Variants in LRRFIP1 observed in about 807,000 individuals in gnomAD.
LRRFIP1 encodes leucine-rich repeat flightless-interacting protein 1.
Under a neutral mutation model 104.4 loss-of-function variants are expected in LRRFIP1, and 62 were observed. The observed-to-expected ratio is 0.59, with a 90% CI of 0.48 to 0.73. LRRFIP1 has a LOEUF of 0.73. Among genes scored for constraint, LRRFIP1 ranks in the 30% least tolerant of loss-of-function variants. LRRFIP1 has a pLI of 0.00. For missense variants in LRRFIP1, 796 were observed against 824.5 expected (o/e 0.97, Z 0.42); for synonymous variants, 300 against 299.0 (o/e 1.00, Z -0.03).
chr2:237,638,296 C>T (rs552415922), intron 1 of LRRFIP1, among the ~76,000 whole-genome samples: 1 of 152,276 alleles, frequency 6.6e-6, no homozygotes, highest in South Asian at 2.1e-4. Flanking sequence ...CTCATATGCG[C>T]AGTTCACAAT....
Position 237,633,498 on chromosome 2 carries a change from G to A in LRRFIP1, c.96+5758G>A, listed in dbSNP as rs539980637. On this transcript the variant is annotated intron_variant, in intron 1 of 23. Coordinates refer to ENST00000308482, the MANE Select transcript of LRRFIP1 (RefSeq NM_001137550.2). ...GACTCTTGAGCCACTCGTTGGCCTGGTACTCAGGGTTGGGATGTGTGTGTG... is the reference window on the plus strand; with the variant it reads ...GACTCTTGAGCCACTCGTTGGCCTGATACTCAGGGTTGGGATGTGTGTGTG... Among the ~76,000 whole-genome samples the A allele has an allele frequency of 1.2e-4, 18 of 148,174 alleles. 2 individuals are homozygous for A. Among genetic ancestry groups the A allele is most frequent in the Admixed American group, 3.3e-4 (5 of 15,076 alleles).
intron 7 of LRRFIP1, among the ~76,000 whole-genome samples, chr2:237,727,217 G>A (rs140980071): frequency 1.3e-5 from 2 of 152,196 alleles, no homozygotes; most frequent in Admixed American, 6.5e-5. Flanking sequence ...TTAGCCGGGC[G>A]TGGTGACGCA....
chr2:237,752,428 G>A (rs572373502), intron 14 of LRRFIP1, among the ~76,000 whole-genome samples: 1 of 152,318 alleles, frequency 6.6e-6, no homozygotes, highest in South Asian at 2.1e-4. Context: ...ATGCTGCTGG[G>A]GAGCCACTGA....
chr2:237,717,869 G>A lies in LRRFIP1; in HGVS notation c.249+60G>A. 2.5e-6 allele frequency: 3 copies of A among 1,222,066 alleles called. No individual in the cohort carries two copies. The highest frequency in any genetic ancestry group is 1.9e-4 in the Middle Eastern group (1 of 5,320). The allele number at this position is 1,222,066 out of a possible 1,614,324, so 75.7% of individuals were successfully genotyped here. A position where few individuals can be genotyped will look rare whatever the true frequency, so the allele number is the denominator to read the frequency against. ...CCTCCCCACTTGAATACAGTGTTGA[G>A]ACTTAAATGGTTTATAATGTAATTC... On this transcript the variant is annotated intron_variant, in intron 4 of 23. Coordinates refer to ENST00000308482, the MANE Select transcript of LRRFIP1 (RefSeq NM_001137550.2). This position sits in a 1 kb window ranked among gnomAD's most constrained non-coding sequence, Gnocchi z 4.2.
At chr2:237,655,249 T>G (rs924712825) in intron 1 of LRRFIP1, among the ~76,000 whole-genome samples, 1 of 148,790 alleles carries the variant, frequency 6.7e-6, no homozygotes, top group Non-Finnish European at 1.5e-5. Flanking sequence ...TAGCTGGGAC[T>G]ACAGGCATGC....
At chr2:237,725,572 C>T (rs1444002247) in intron 7 of LRRFIP1, among the ~76,000 whole-genome samples, 2 of 152,202 alleles carry the variant, frequency 1.3e-5, no homozygotes, top group South Asian at 2.1e-4. Flanking sequence ...GGTCAAAGTA[C>T]TTCTCCCTAT....
intron 1 of LRRFIP1, among the ~76,000 whole-genome samples, chr2:237,667,497 A>C (rs1487191674): frequency 6.6e-6 from 1 of 152,230 alleles, no homozygotes. Context: ...TGCTATTGTA[A>C]ATAGTGCTGC....
At chr2:237,699,384 G>A (rs11689700) in intron 1 of LRRFIP1, among the ~76,000 whole-genome samples, 24,957 of 142,640 alleles carry the variant, frequency 0.17, 2,685 homozygotes, top group East Asian at 0.32. Context: ...ATGGAATTTC[G>A]CTCTGTCGCC....
chr2:237,687,540 G>A lies in LRRFIP1; in HGVS notation c.97-21004G>A, dbSNP rs565936171. 8.1e-4 allele frequency among the ~76,000 whole-genome samples: 121 copies of A among 150,298 alleles called. 1 individual carries two copies. The highest frequency in any genetic ancestry group is 6.8e-3 in the Middle Eastern group (2 of 292). On this transcript the variant is annotated intron_variant, in intron 1 of 23. Transcript: ENST00000308482. ...AATTGCTTGAGCCTGGGAGGCGGAG[G>A]CTGCAGTAAGCCAAGATCATGCCAC...
rs1469994657 is a variant in LRRFIP1, at chr2:237,744,516, T to C, written c.634-3848T>C. Among the ~76,000 whole-genome samples the C allele has an allele frequency of 5.3e-5, 8 of 152,336 alleles. No individual in the cohort carries two copies. The East Asian group carries it at 1.5e-3, about 29-fold the overall frequency. On this transcript the variant is annotated intron_variant, in intron 11 of 23. Coordinates refer to ENST00000308482, the MANE Select transcript of LRRFIP1 (RefSeq NM_001137550.2). Reference sequence around the variant, plus strand: ...GGCATCGTGTGTACAGGAGCCTAGATAGCAAACTCCTTTAGACACAGTGTT... The same window carrying C: ...GGCATCGTGTGTACAGGAGCCTAGACAGCAAACTCCTTTAGACACAGTGTT...
At chr2:237,757,622 T>C (rs2059405024) in intron 17 of LRRFIP1, 74 bp downstream of exon 17, 3 of 1,150,968 alleles carry the variant, frequency 2.6e-6, no homozygotes, top group African/African-American at 3.1e-5. Context: ...TCAGAGTCTT[T>C]AGTTTGCAAA....
rs1386837308 is a variant in LRRFIP1, at chr2:237,735,287, G to A, written c.509G>A (p.Gly170Asp). Residue 170 changes from glycine to aspartate, a missense_variant, in exon 10 of 24, where the codon GGC (glycine) becomes GAC (aspartate). Coordinates refer to ENST00000308482, the MANE Select transcript of LRRFIP1 (RefSeq NM_001137550.2). The surrounding 1 kb of genome is among the most constrained non-coding windows in gnomAD (Gnocchi z 4.6). ...TCGCAGGCGTCTGTGTTGGATGAAGGCAGCTTCGGTGGGACCCGACGGGGC... is the reference window on the plus strand; with the variant it reads ...TCGCAGGCGTCTGTGTTGGATGAAGACAGCTTCGGTGGGACCCGACGGGGC... ...GSYRASVLDE[G>D]SFGGTRRGST... 5.0e-6 allele frequency: 8 copies of A among 1,613,470 alleles called. No individual in the cohort carries two copies. Among genetic ancestry groups the A allele is most frequent in the Non-Finnish European group, 5.9e-6 (7 of 1,179,868 alleles).
At chr2:237,705,656 C>G (rs1469943782) in intron 1 of LRRFIP1, among the ~76,000 whole-genome samples, 3 of 149,366 alleles carry the variant, frequency 2.0e-5, no homozygotes, top group Admixed American at 1.3e-4. Flanking sequence ...AGAGGGAGAC[C>G]CTGTCTCCAA....
chr2:237,741,857 G>T (rs934721907), intron 11 of LRRFIP1, among the ~76,000 whole-genome samples: 2 of 151,928 alleles, frequency 1.3e-5, no homozygotes, highest in African/African-American at 2.4e-5. Context: ...AAAAAAGAAA[G>T]AAAAGAAAAT....
Position 237,757,479 on chromosome 2 carries a change from A to G in LRRFIP1, c.1155A>G (p.Lys385=), listed in dbSNP as rs754835776. Residue 385 remains lysine (K), a synonymous_variant, in exon 17 of 24, where the codon AAA becomes AAG. Coordinates refer to ENST00000308482, the MANE Select transcript of LRRFIP1 (RefSeq NM_001137550.2). The stretch of plus-strand genomic sequence containing the variant: ...AGGAAATCCGACAGCTACAGCAGAA[A>G]CAGGCGAGTTCTATCAGGGAGATTT... ...MLEEIRQLQQ[K]QASSIREISD... The G allele has an allele frequency of 6.9e-6, 11 of 1,595,590 alleles. No individual in the cohort carries two copies. In the Admixed American group the frequency reaches 7.0e-5, roughly 10 times the overall value.
chr2:237,682,864 T>C (rs1403877057), intron 1 of LRRFIP1, among the ~76,000 whole-genome samples: 1 of 152,250 alleles, frequency 6.6e-6, no homozygotes, highest in Non-Finnish European at 1.5e-5. Context: ...CATGCTTTGC[T>C]GTGGAACTGT....
intron 19 of LRRFIP1, chr2:237,765,034 G>A: frequency 1.1e-6 from 1 of 907,308 alleles, no homozygotes; most frequent in Non-Finnish European, 1.3e-6. Context: ...GGCCAAGGCA[G>A]GTGGATCACC....
At chr2:237,632,822 G>C (rs1250174755) in intron 1 of LRRFIP1, among the ~76,000 whole-genome samples, 1 of 152,098 alleles carries the variant, frequency 6.6e-6, no homozygotes, top group African/African-American at 2.4e-5. Context: ...GCAAATCTGG[G>C]TCCCCAATGC....
intron 19 of LRRFIP1, among the ~76,000 whole-genome samples, chr2:237,767,006 CA>C (rs368919756): frequency 6.6e-6 from 1 of 151,702 alleles, no homozygotes; most frequent in African/African-American, 2.4e-5. Context: ...CCCATCTCTA[CA>C]AAAAAAATAT....
Sources: gnomAD v4.1 joint callset for allele counts (sites outside exome capture counted in the v4.1 genomes callset) on GRCh38, gnomAD v4.1.1 for gene constraint, Gnocchi (gnomAD v3.1) non-coding constraint, MANE v1.5 for transcripts, NCBI Gene and HGNC (gene_info 2026-07-23, HGNC 2026-07-21) for gene names.